PLCB1: variants seen among roughly 807,000 people sequenced by gnomAD.
PLCB1 encodes phospholipase C beta 1.
Under a neutral mutation model 161.8 loss-of-function variants are expected in PLCB1, and 46 were observed. The observed-to-expected ratio is 0.28, with a 90% CI of 0.22 to 0.36. PLCB1 has a LOEUF of 0.36. PLCB1 is among the 10% of genes least tolerant of loss of function. The pLI is 1.00. For synonymous variants in PLCB1, 517 were observed against 503.7 expected, an observed-to-expected ratio of 1.03 and a Z score of -0.35; for missense variants, 1,016 against 1,472.5, an observed-to-expected ratio of 0.69 and a Z score of 5.07.
intron 3 of PLCB1, among the ~76,000 whole-genome samples, chr20:8,432,918 G>A (rs1045061604): frequency 1.4e-4 from 21 of 152,144 alleles, no homozygotes; most frequent in African/African-American, 4.3e-4. Context: ...TGCCAGTGGC[G>A]CCCGTGGGAT....
intron 3 of PLCB1, among the ~76,000 whole-genome samples, chr20:8,506,528 A>AG (rs1344274985): frequency 6.6e-6 from 1 of 152,252 alleles, no homozygotes; most frequent in Admixed American, 6.5e-5. Context: ...AAAGTACATC[A>AG]GGAAAAATCA....
chr20:8,566,971 T>C (rs1296190209), intron 3 of PLCB1, among the ~76,000 whole-genome samples: 3 of 152,276 alleles, frequency 2.0e-5, no homozygotes, highest in East Asian at 3.9e-4. Flanking sequence ...AGCAAATTAA[T>C]CCAGAATTGC....
chr20:8,780,595 T>A lies in PLCB1; in HGVS notation c.3111+5876T>A, dbSNP rs557275197. On this transcript the variant is annotated intron_variant, in intron 27 of 31. Coordinates refer to ENST00000338037, the MANE Select transcript of PLCB1 (RefSeq NM_015192.4). ...ATCCTCATGTCTGTCCCACCAGCAA[T>A]CATTTCAGGACCCCAAACCAACGTT... is the stretch of plus-strand genomic sequence containing the variant. Among the ~76,000 whole-genome samples the A allele has an allele frequency of 1.1e-3, 160 of 152,288 alleles. 1 individual carries two copies. Among genetic ancestry groups the A allele is most frequent in the Non-Finnish European group, 1.7e-3 (113 of 68,034 alleles).
At chr20:8,481,947 AGG>A (rs750263139) in intron 3 of PLCB1, among the ~76,000 whole-genome samples, 82 of 152,228 alleles carry the variant, frequency 5.4e-4, no homozygotes, top group Non-Finnish European at 8.8e-4. Flanking sequence ...GATAACTTTC[AGG>A]ATTCGAATAA....
chr20:8,675,594 T>A (rs1194442561), intron 9 of PLCB1, among the ~76,000 whole-genome samples: 2 of 152,162 alleles, frequency 1.3e-5, no homozygotes, highest in African/African-American at 4.8e-5. Flanking sequence ...TTAAACTTAA[T>A]CAACAAAAAT....
At chr20:8,584,722 GC>G (rs1271545433) in intron 3 of PLCB1, among the ~76,000 whole-genome samples, 1 of 151,242 alleles carries the variant, frequency 6.6e-6, no homozygotes, top group African/African-American at 2.4e-5. Context: ...ACAGAGTCTC[GC>G]TCCGTCACCC....
intron 3 of PLCB1, among the ~76,000 whole-genome samples, chr20:8,413,206 A>G (rs1275496102): frequency 6.6e-6 from 1 of 152,092 alleles, no homozygotes; most frequent in Non-Finnish European, 1.5e-5. Flanking sequence ...TTTTATTTTA[A>G]TATTACATAT....
chr20:8,154,494 G>A (rs1432391228), intron 2 of PLCB1, among the ~76,000 whole-genome samples: 1 of 152,072 alleles, frequency 6.6e-6, no homozygotes, highest in African/African-American at 2.4e-5. Context: ...TCAGAAGTGC[G>A]ATTGCTGATT....
Position 8,175,460 on chromosome 20 carries a change from A to C in PLCB1, c.177+25089A>C, listed in dbSNP as rs527961220. Reference sequence around the variant, plus strand: ...GATATTCATAGGCAAAAAATAAGTAAAAATAAAAAAAAAAGTATAAAATGA... The same window carrying C: ...GATATTCATAGGCAAAAAATAAGTACAAATAAAAAAAAAAGTATAAAATGA... On this transcript the variant is annotated intron_variant, in intron 2 of 31. Coordinates refer to ENST00000338037, the MANE Select transcript of PLCB1 (RefSeq NM_015192.4). 3.0e-3 allele frequency among the ~76,000 whole-genome samples: 95 copies of C among 31,990 alleles called. No individual in the cohort carries two copies. The African/African-American group carries it at 0.043, about 14-fold the overall frequency. The allele number at this position is 31,990 out of a possible 152,430, so 21.0% of individuals were successfully genotyped here.
intron 3 of PLCB1, among the ~76,000 whole-genome samples, chr20:8,502,402 C>T (rs1332401908): frequency 6.6e-6 from 1 of 152,052 alleles, no homozygotes; most frequent in Non-Finnish European, 1.5e-5. Flanking sequence ...GGCAGCTGGA[C>T]ATGTTTACAG....
intron 9 of PLCB1, among the ~76,000 whole-genome samples, chr20:8,680,875 G>A (rs548322901): frequency 6.6e-6 from 1 of 151,316 alleles, no homozygotes; most frequent in Non-Finnish European, 1.5e-5. Flanking sequence ...AACCAAAAAG[G>A]TTATGGTTTA....
rs147519423 is a variant in PLCB1 at position 8,572,247 on chromosome 20, TA to T, written c.247-56046del. On this transcript the variant is annotated intron_variant, in intron 3 of 31. Coordinates refer to ENST00000338037, the MANE Select transcript of PLCB1 (RefSeq NM_015192.4). ...AAAACTAGTATCATTGTTTTTATTTTACTTCTTGATACATGAACACCCTACC... is the reference window on the plus strand; with the variant it reads ...AAAACTAGTATCATTGTTTTTATTTTCTTCTTGATACATGAACACCCTACC... 7.4e-3 allele frequency among the ~76,000 whole-genome samples: 1,131 copies of T among 152,324 alleles called. 16 individuals are homozygous for T. The highest frequency in any genetic ancestry group is 0.026 in the African/African-American group (1,095 of 41,566).
chr20:8,360,353 G>C lies in PLCB1; in HGVS notation c.178-11029G>C, dbSNP rs541592895. On this transcript the variant is annotated intron_variant, in intron 2 of 31. Coordinates refer to ENST00000338037, the MANE Select transcript of PLCB1 (RefSeq NM_015192.4). ...CTAGCCAGTAAGGGAGCCTAGCAGG[G>C]AACCAGGCTAGTATCAATAGAGGTT... is the stretch of plus-strand genomic sequence containing the variant. Among the ~76,000 whole-genome samples the C allele has an allele frequency of 2.6e-5, 4 of 152,294 alleles. No homozygotes were observed. The East Asian group carries it at 7.7e-4, about 29-fold the overall frequency.
At chr20:8,591,706 T>C (rs2123110487) in intron 3 of PLCB1, among the ~76,000 whole-genome samples, 1 of 152,314 alleles carries the variant, frequency 6.6e-6, no homozygotes, top group South Asian at 2.1e-4. Flanking sequence ...TGAGAAGCAT[T>C]TGTTGTTAAG....
chr20:8,828,675 G>A (rs1985832365), intron 31 of PLCB1, among the ~76,000 whole-genome samples: 1 of 152,152 alleles, frequency 6.6e-6, no homozygotes, highest in Non-Finnish European at 1.5e-5. Context: ...TGAAATGAGT[G>A]GTGTCATGAC....
Position 8,571,279 on chromosome 20 carries a change from C to G in PLCB1, c.247-57015C>G, listed in dbSNP as rs139102307. On this transcript the variant is annotated intron_variant, in intron 3 of 31. Transcript: ENST00000338037. ...GAGGGATGACTTGAGGTCAGGAGTTCAAGACCAACCTAGCCAACATGGTGA... is the reference window on the plus strand; with the variant it reads ...GAGGGATGACTTGAGGTCAGGAGTTGAAGACCAACCTAGCCAACATGGTGA... Among the ~76,000 whole-genome samples the G allele has an allele frequency of 2.0e-4, 31 of 152,188 alleles. No individual in the cohort carries two copies. The East Asian group carries it at 6.0e-3, about 29-fold the overall frequency.
At chr20:8,759,985 A>G (rs8125110) in intron 24 of PLCB1, among the ~76,000 whole-genome samples, 50,162 of 141,944 alleles carry the variant, frequency 0.35, 8,942 homozygotes, top group East Asian at 0.53. Context: ...AGTCCACTGC[A>G]AACTCCACCT....
chr20:8,845,433 G>C (rs1374567874), intron 31 of PLCB1, among the ~76,000 whole-genome samples: 1 of 152,114 alleles, frequency 6.6e-6, no homozygotes, highest in African/African-American at 2.4e-5. Flanking sequence ...GTTCGATACA[G>C]TAGCCATTAG....
intron 11 of PLCB1, among the ~76,000 whole-genome samples, chr20:8,706,077 G>A (rs1166280114): frequency 1.3e-5 from 2 of 152,198 alleles, no homozygotes; most frequent in African/African-American, 2.4e-5. Flanking sequence ...CAACCACAAC[G>A]GTTTACTTCT....
Sources: allele counts gnomAD v4.1 joint callset (sites outside exome capture counted in the v4.1 genomes callset), GRCh38; gene constraint gnomAD v4.1.1; transcripts MANE v1.5; gene names NCBI Gene and HGNC (gene_info 2026-07-23, HGNC 2026-07-21).